PLD2: variants seen among roughly 807,000 people sequenced by gnomAD.
PLD2 encodes the protein choline phosphatase 2.
In PLD2, 101 loss-of-function variants were observed where a neutral mutation model predicts 119.8. The ratio of observed to expected loss-of-function variants is 0.84; its 90% CI spans 0.72 to 0.99. The LOEUF (loss-of-function observed/expected upper bound fraction) is 0.99. Among genes scored for constraint, PLD2 ranks in the 50% least tolerant of loss-of-function variants. The pLI, the probability that PLD2 is intolerant of heterozygous loss-of-function variation, is 0.00. For synonymous variants in PLD2, 494 were observed against 482.8 expected, an observed-to-expected ratio of 1.02 and a Z score of -0.30; for missense variants, 1,164 against 1,226.8, an observed-to-expected ratio of 0.95 and a Z score of 0.76.
At position 4,807,498 on chromosome 17, in the gene PLD2, C is replaced by G. The variant is rs1051627615; in HGVS notation, c.-2+273C>G. ...CTGCGCCGCCCCAGGTCGGAGCCTT[C>G]CGGGCCTGGCTGGGTGTTCCCCGGG... On this transcript the variant is annotated intron_variant, in intron 1 of 24. Coordinates refer to ENST00000263088, the MANE Select transcript of PLD2 (RefSeq NM_002663.5). This position sits in a 1 kb window ranked among gnomAD's most constrained non-coding sequence, Gnocchi z 5.4. 3.0e-6 allele frequency: 1 copy of G among 331,368 alleles called. No homozygotes were observed. The highest frequency in any genetic ancestry group is 2.1e-5 in the African/African-American group (1 of 47,086). 20.5% of individuals were successfully genotyped at this position (331,368 alleles called of 1,614,324 possible). A position where few individuals can be genotyped will look rare whatever the true frequency, so the allele number is the denominator to read the frequency against.
At chr17:4,816,370 G>T (rs1418980021) in intron 14 of PLD2, among the ~76,000 whole-genome samples, 1 of 145,320 alleles carries the variant, frequency 6.9e-6, no homozygotes, top group East Asian at 2.0e-4. Flanking sequence ...GCAACAGAGC[G>T]AGACTCTGTC....
rs1905984251 is a variant in PLD2 at position 4,807,570 on chromosome 17, T to A, written c.-1-202T>A. ...GGGGGGCGGGGGGCGGGACTGGGAT[T>A]GTGGATGAAGGACTAAGGTAGGGGA... On this transcript the variant is annotated intron_variant, in intron 1 of 24. Transcript: ENST00000263088. This position sits in a 1 kb window ranked among gnomAD's most constrained non-coding sequence, Gnocchi z 5.4. 2.5e-6 allele frequency: 1 copy of A among 402,570 alleles called. No homozygotes were observed. The highest frequency in any genetic ancestry group is 4.6e-6 in the Non-Finnish European group (1 of 218,726). The allele number at this position is 402,570 out of a possible 1,614,324, so 24.9% of individuals were successfully genotyped here. A position where few individuals can be genotyped will look rare whatever the true frequency, so the allele number is the denominator to read the frequency against.
At chr17:4,821,386 T>G (rs1907656399) in intron 23 of PLD2, among the ~76,000 whole-genome samples, 1 of 152,056 alleles carries the variant, frequency 6.6e-6, no homozygotes, top group Non-Finnish European at 1.5e-5. Flanking sequence ...ATTGCATTTA[T>G]TTTGTTTTTG....
chr17:4,808,151 G>C lies in PLD2; in HGVS notation c.240+37G>C. 6.3e-7 allele frequency: 1 copy of C among 1,596,616 alleles called. No homozygotes were observed. Among genetic ancestry groups the C allele is most frequent in the Non-Finnish European group, 8.6e-7 (1 of 1,167,194 alleles). ...GGCCCCAGGGAGGGGGAAAGGGAGGGCGGCCCGGAATGGATCCAAGGTGGC... is the reference window on the plus strand; with the variant it reads ...GGCCCCAGGGAGGGGGAAAGGGAGGCCGGCCCGGAATGGATCCAAGGTGGC... On this transcript the variant is annotated intron_variant, in intron 3 of 24. Coordinates refer to ENST00000263088, the MANE Select transcript of PLD2 (RefSeq NM_002663.5). The surrounding 1 kb of genome is among the most constrained non-coding windows in gnomAD (Gnocchi z 4.1).
chr17:4,810,793 C>G lies in PLD2; in HGVS notation c.861-9C>G. On this transcript the variant is annotated splice_polypyrimidine_tract_variant and intron_variant, in intron 9 of 24. Coordinates refer to ENST00000263088, the MANE Select transcript of PLD2 (RefSeq NM_002663.5). ...GAGGATTTATGGACATCTCATCGTT[C>G]CCATCCAGGTCCTTGATTCTCAAGT... 1 of 1,607,444 alleles carries G rather than the reference C, an allele frequency of 6.2e-7. No homozygotes were observed. Among genetic ancestry groups the G allele is most frequent in the Non-Finnish European group, 8.5e-7 (1 of 1,176,292 alleles).
intron 10 of PLD2, among the ~76,000 whole-genome samples, chr17:4,813,613 A>G (rs997416122): frequency 6.6e-6 from 1 of 152,198 alleles, no homozygotes; most frequent in Non-Finnish European, 1.5e-5. Flanking sequence ...TAATCCCAGC[A>G]CTTTGGGAGG....
At chr17:4,816,037 C>T in intron 14 of PLD2, 103 bp downstream of exon 14, 1 of 876,710 alleles carries the variant, frequency 1.1e-6, no homozygotes, top group Non-Finnish European at 1.8e-6. Flanking sequence ...CCAGGCCCTG[C>T]CAACCTCAGG....
rs769092786 is a variant in PLD2 at position 4,816,735 on chromosome 17, G to A, written c.1571G>A (p.Arg524Gln). The change falls in exon 15 of 25, where the codon CGG becomes CAG. Residue 524 changes from arginine (R) to glutamine (Q), a missense_variant. Transcript: ENST00000263088. ...LITKDWVQLD[R>Q]PFEDFIDRET... ...ACCAAGGACTGGGTGCAGCTGGACC[G>A]GCCTTTCGAAGGTGAAGCCTCCCAC... The A allele has an allele frequency of 1.6e-5, 26 of 1,614,066 alleles. No individual in the cohort carries two copies. The highest frequency in any genetic ancestry group is 8.0e-5 in the African/African-American group (6 of 74,918).
chr17:4,818,926 G>A, intron 21 of PLD2, 103 bp downstream of exon 21: 1 of 1,482,324 alleles, frequency 6.7e-7, no homozygotes, highest in African/African-American at 1.4e-5. Context: ...ACTCCTGTGA[G>A]CCTCTGACGC....
chr17:4,821,772 T>A, intron 23 of PLD2, 21 bp from the exon 24 acceptor site: 1 of 1,542,026 alleles, frequency 6.5e-7, no homozygotes, highest in Non-Finnish European at 9.0e-7. Flanking sequence ...CTGGCCCTGC[T>A]GGGACCCCTT....
In PLD2 at chr17:4,822,631, C is replaced by T. The variant is rs2326087; in HGVS notation, c.2578-9C>T. The T allele has an allele frequency of 0.018, 28,084 of 1,593,596 alleles. 349 individuals are homozygous for T. The highest frequency in any genetic ancestry group is 0.064 in the East Asian group (2,863 of 44,494). On this transcript the variant is annotated splice_polypyrimidine_tract_variant and intron_variant, in intron 24 of 24. Coordinates refer to ENST00000263088, the MANE Select transcript of PLD2 (RefSeq NM_002663.5). ...CAAGCCTTACTGGCGTCCATGCCCC[C>T]GCCCACAGATCTTCCGCTGCCTGCC...
intron 10 of PLD2, among the ~76,000 whole-genome samples, chr17:4,813,938 A>G (rs1906714526): frequency 6.6e-6 from 1 of 152,150 alleles, no homozygotes; most frequent in Non-Finnish European, 1.5e-5. Context: ...GAGAATACCC[A>G]CTTCCCCAGC....
chr17:4,812,294 G>GTTT (rs1491465483), intron 10 of PLD2, among the ~76,000 whole-genome samples: 4 of 125,960 alleles, frequency 3.2e-5, no homozygotes, highest in Non-Finnish European at 6.4e-5. Context: ...TTTTTGTTTT[G>GTTT]GTTTTTTTTT....
At chr17:4,820,551 CT>C (rs373040411) in intron 23 of PLD2, among the ~76,000 whole-genome samples, 4 of 138,530 alleles carry the variant, frequency 2.9e-5, no homozygotes, top group East Asian at 4.2e-4. Context: ...ACCACCGCCC[CT>C]GGCCAAAAAA....
At chr17:4,810,747 A>C in intron 9 of PLD2, 55 bp from the exon 10 acceptor site, 1 of 1,557,768 alleles carries the variant, frequency 6.4e-7, no homozygotes, top group Non-Finnish European at 8.7e-7. Flanking sequence ...GTCTCTAGGC[A>C]AGATCACAGG....
chr17:4,822,596 A>C, intron 24 of PLD2, 44 bp from the exon 25 acceptor site: 1 of 1,363,970 alleles, frequency 7.3e-7, no homozygotes, highest in Non-Finnish European at 1.0e-6. Flanking sequence ...GATTGTTGGG[A>C]GAGTCTCCCC....
Position 4,809,159 on chromosome 17 carries a change from C to G in PLD2, c.443C>G (p.Pro148Arg). The change falls in exon 5 of 25, where the codon CCC (proline) becomes CGC (arginine). Residue 148 changes from proline (P) to arginine (R), a missense_variant. Coordinates refer to ENST00000263088, the MANE Select transcript of PLD2 (RefSeq NM_002663.5). ...GGCAACAGAGAGATGCCCTCTCTACCCCGGGCAGGTCCTGAGGGCTCCACC... is the reference window on the plus strand; with the variant it reads ...GGCAACAGAGAGATGCCCTCTCTACGCCGGGCAGGTCCTGAGGGCTCCACC... ...DAGNREMPSL[P>R]RAGPEGSTRH... 6.2e-7 allele frequency: 1 copy of G among 1,614,160 alleles called. No homozygotes were observed. The highest frequency in any genetic ancestry group is 8.5e-7 in the Non-Finnish European group (1 of 1,180,018).
At position 4,822,734 on chromosome 17, in the gene PLD2, T is replaced by G. The variant is rs774643645; in HGVS notation, c.2672T>G (p.Leu891Trp). 6.2e-7 allele frequency: 1 copy of G among 1,613,992 alleles called. No individual in the cohort carries two copies. Among genetic ancestry groups the G allele is most frequent in the Non-Finnish European group, 8.5e-7 (1 of 1,179,878 alleles). ...CCCTTGGCCACGGTCAGTCCCCCCT[T>G]GGCTCGGTCTGAGCTCACCCAGGTC... is the stretch of plus-strand genomic sequence containing the variant. Reference protein sequence around the residue: ...VEPLATVSPPLARSELTQVQG... With the variant: ...VEPLATVSPPWARSELTQVQG... Residue 891 changes from leucine to tryptophan, a missense_variant, in exon 25 of 25, where the codon TTG becomes TGG. Physicochemically the swap from Leu to Trp is moderately conservative, Grantham distance 61 (BLOSUM62 -2). Coordinates refer to ENST00000263088, the MANE Select transcript of PLD2 (RefSeq NM_002663.5).
In PLD2 at chr17:4,808,544, A is replaced by G. The variant is rs1263863670; in HGVS notation, c.383+128A>G. 2.3e-6 allele frequency: 2 copies of G among 860,856 alleles called. No homozygotes were observed. The highest frequency in any genetic ancestry group is 1.7e-5 in the African/African-American group (1 of 59,206). 53.3% of individuals were successfully genotyped at this position (860,856 alleles called of 1,614,324 possible). The stretch of plus-strand genomic sequence containing the variant: ...CCACTGTGCTGCCTCCCCTGACCCC[A>G]GTTACCAGGAAACTTTCCCTGCTCA... On this transcript the variant is annotated intron_variant, in intron 4 of 24. Transcript: ENST00000263088. The surrounding 1 kb of genome is among the most constrained non-coding windows in gnomAD (Gnocchi z 4.1).
Sources: gnomAD v4.1 joint callset for allele counts (sites outside exome capture counted in the v4.1 genomes callset) on GRCh38, gnomAD v4.1.1 for gene constraint, Gnocchi (gnomAD v3.1) non-coding constraint, MANE v1.5 for transcripts, NCBI Gene and HGNC (gene_info 2026-07-23, HGNC 2026-07-21) for gene names.